The following SAMD5 variants were observed in gnomAD, a reference collection of about 807,000 sequenced individuals.
SAMD5 encodes the protein sterile alpha motif domain-containing protein 5.
SAMD5 carries 13 observed loss-of-function variants against 11.3 expected under a neutral mutation model. That is an observed-to-expected ratio of 1.15 (90% confidence interval 0.75 to 1.83). SAMD5 has a LOEUF of 1.83. Among genes scored for constraint, SAMD5 ranks in the 40% most tolerant of loss-of-function variants. The pLI is 0.00. For missense variants in SAMD5, 255 were observed against 239.1 expected, an observed-to-expected ratio of 1.07 and a Z score of -0.44; for synonymous variants, 129 against 111.3, an observed-to-expected ratio of 1.16 and a Z score of -1.00.
the SAMD5 span, among the ~76,000 whole-genome samples, chr6:147,925,821 C>G: frequency 2.6e-5 from 4 of 151,442 alleles, no homozygotes; most frequent in African/African-American, 7.3e-5. Context: ...GTTTTCTGCT[C>G]TCTTCCTCCT....
chr6:147,886,307 C>G, the SAMD5 span, among the ~76,000 whole-genome samples: 1 of 152,078 alleles, frequency 6.6e-6, no homozygotes. Flanking sequence ...AACGCAAACC[C>G]AAAACAAAAC....
At chr6:147,813,183 G>A in the SAMD5 span, among the ~76,000 whole-genome samples, 4 of 152,184 alleles carry the variant, frequency 2.6e-5, no homozygotes, top group South Asian at 8.3e-4. Flanking sequence ...TAGGAAAGGA[G>A]GGAGGTAGAG....
At chr6:147,861,035 A>C in the SAMD5 span, among the ~76,000 whole-genome samples, 1 of 152,230 alleles carries the variant, frequency 6.6e-6, no homozygotes, top group Non-Finnish European at 1.5e-5. Flanking sequence ...AAAGGAAAGC[A>C]GAAATTAAGT....
rs1223069993 is a variant in SAMD5 at position 147,583,504 on chromosome 6, A to G, written c.162+74117A>G. 2.0e-5 allele frequency among the ~76,000 whole-genome samples: 3 copies of G among 151,756 alleles called. No homozygotes were observed. In the East Asian group the frequency reaches 5.8e-4, roughly 29 times the overall value. On this transcript the variant is annotated intron_variant, in intron 1 of 1. Coordinates refer to the SAMD5 transcript ENST00000566741. The stretch of plus-strand genomic sequence containing the variant: ...GGCAGCCAATTGTTTTGAGAGAGAA[A>G]GTACAACATTATTATTTATGAGAAA...
chr6:147,917,407 T>A, the SAMD5 span, among the ~76,000 whole-genome samples: 1 of 151,666 alleles, frequency 6.6e-6, no homozygotes, highest in Non-Finnish European at 1.5e-5. Flanking sequence ...TGGGGTTGTT[T>A]GTTTTTTTCT....
the SAMD5 span, among the ~76,000 whole-genome samples, chr6:147,880,272 C>A: frequency 6.6e-6 from 1 of 151,948 alleles, no homozygotes; most frequent in African/African-American, 2.4e-5. Context: ...CAGTTCCTCT[C>A]TCTCTCTCTC....
At chr6:147,915,787 A>G in the SAMD5 span, among the ~76,000 whole-genome samples, 7 of 152,170 alleles carry the variant, frequency 4.6e-5, no homozygotes, top group South Asian at 4.1e-4. Flanking sequence ...GTTCTAGGGT[A>G]CATGTGCACA....
chr6:147,678,851 A>G (rs531425659), intron 1 of SAMD5, among the ~76,000 whole-genome samples: 15 of 152,306 alleles, frequency 9.8e-5, no homozygotes, highest in African/African-American at 3.4e-4. Flanking sequence ...CAAGTGTACA[A>G]TTGTGTTAAG....
At chr6:147,799,679 C>T in the SAMD5 span, among the ~76,000 whole-genome samples, 7 of 151,094 alleles carry the variant, frequency 4.6e-5, no homozygotes, top group Non-Finnish European at 8.8e-5. Flanking sequence ...AACTTGGTTC[C>T]ATTCTCCCCA....
intron 1 of SAMD5, among the ~76,000 whole-genome samples, chr6:147,634,890 T>G: frequency 6.6e-6 from 1 of 151,282 alleles, no homozygotes; most frequent in East Asian, 2.0e-4. Context: ...TAAATGAGTG[T>G]GAAATTAAAA....
the SAMD5 span, among the ~76,000 whole-genome samples, chr6:147,877,284 A>C: frequency 1.3e-5 from 2 of 152,196 alleles, no homozygotes; most frequent in Non-Finnish European, 1.5e-5. Flanking sequence ...TGAAAACTTA[A>C]GAACTGAAGC....
rs562939132 is a variant in SAMD5 at position 147,630,217 on chromosome 6, G to T, written c.163-107100G>T. ...GCCCGCCTCAGCTTCCCAAAGTGCT[G>T]GGATTACAGGTGTAAGCCACCGCAC... On this transcript the variant is annotated intron_variant, in intron 1 of 1. Coordinates refer to the SAMD5 transcript ENST00000566741. Among the ~76,000 whole-genome samples, 464 of 152,146 alleles carry T rather than the reference G, an allele frequency of 3.0e-3. 1 individual carries two copies. Among genetic ancestry groups the T allele is most frequent in the Admixed American group, 6.4e-3 (98 of 15,278 alleles).
the SAMD5 span, among the ~76,000 whole-genome samples, chr6:147,904,032 G>T: frequency 3.9e-5 from 6 of 152,110 alleles, no homozygotes; most frequent in Non-Finnish European, 7.3e-5. Flanking sequence ...TGTACAAAAT[G>T]TTGCTGTACA....
chr6:147,841,766 A>T, the SAMD5 span, among the ~76,000 whole-genome samples: 1 of 152,020 alleles, frequency 6.6e-6, no homozygotes, highest in Non-Finnish European at 1.5e-5. Flanking sequence ...TCAGGGTGAG[A>T]GCTGGGGAGG....
At chr6:147,539,882 T>A (rs551573246) in intron 1 of SAMD5, among the ~76,000 whole-genome samples, 2 of 152,160 alleles carry the variant, frequency 1.3e-5, no homozygotes, top group South Asian at 2.1e-4. Flanking sequence ...TCCTTAAAAA[T>A]TTTTTTATTA....
intron 1 of SAMD5, among the ~76,000 whole-genome samples, chr6:147,715,537 T>TC (rs1791453972): frequency 6.6e-6 from 1 of 152,160 alleles, no homozygotes; most frequent in Non-Finnish European, 1.5e-5. Context: ...AGGTCTGGGT[T>TC]CCCCAAAGGG....
the SAMD5 span, among the ~76,000 whole-genome samples, chr6:147,800,323 C>G: frequency 6.6e-6 from 1 of 152,182 alleles, no homozygotes; most frequent in African/African-American, 2.4e-5. Flanking sequence ...TTGGAGTACC[C>G]TGCAGTGTGA....
chr6:147,630,034 C>T (rs1248989013), intron 1 of SAMD5, among the ~76,000 whole-genome samples: 1 of 151,336 alleles, frequency 6.6e-6, no homozygotes, highest in Non-Finnish European at 1.5e-5. Context: ...ACCACAACCT[C>T]CACCTCCCAG....
Position 147,556,774 on chromosome 6 carries a change from A to G in SAMD5, c.460-7620A>G, listed in dbSNP as rs1215993215. 2.0e-5 allele frequency among the ~76,000 whole-genome samples: 3 copies of G among 152,366 alleles called. No homozygotes were observed. In the East Asian group the frequency reaches 5.8e-4, roughly 29 times the overall value. On this transcript the variant is annotated intron_variant, in intron 1 of 1. Transcript: ENST00000367474. ...ACTCTCATTCTTCAATAACTGATAT[A>G]AAAACAAAAATACTGGCAATTATTT...
Sources: allele counts gnomAD v4.1 joint callset (sites outside exome capture counted in the v4.1 genomes callset), GRCh38; gene constraint gnomAD v4.1.1; transcripts MANE v1.5; gene names NCBI Gene and HGNC (gene_info 2026-07-23, HGNC 2026-07-21).